Variants in TEAD1 observed in about 807,000 individuals in gnomAD.
TEAD1 encodes transcriptional enhancer factor TEF-1.
TEAD1 carries 9 observed loss-of-function variants against 54.9 expected under a neutral mutation model. The observed-to-expected ratio is 0.16, with a 90% CI of 0.10 to 0.29. TEAD1 has a LOEUF of 0.29. TEAD1 is among the 10% of genes least tolerant of loss of function. TEAD1 has a pLI of 1.00. For synonymous variants in TEAD1, 200 were observed against 187.8 expected (o/e 1.07, Z -0.53); for missense variants, 387 against 535.9 (o/e 0.72, Z 2.74).
chr11:12,903,699 C>G (rs1268945465), intron 10 of TEAD1, among the ~76,000 whole-genome samples: 1 of 152,184 alleles, frequency 6.6e-6, no homozygotes, highest in Non-Finnish European at 1.5e-5. Context: ...GTAGTCTGAG[C>G]TACTCAGGAG....
chr11:12,726,472 G>C (rs1944315572), intron 2 of TEAD1, among the ~76,000 whole-genome samples: 1 of 152,194 alleles, frequency 6.6e-6, no homozygotes, highest in Non-Finnish European at 1.5e-5. Context: ...GCGCTATTCA[G>C]CACTAGGAAG....
chr11:12,781,133 A>G (rs1225459840), intron 3 of TEAD1, among the ~76,000 whole-genome samples: 5 of 152,248 alleles, frequency 3.3e-5, no homozygotes, highest in Admixed American at 1.3e-4. Context: ...ATGCTGAGAC[A>G]TGCGAAGAGT....
intron 3 of TEAD1, among the ~76,000 whole-genome samples, chr11:12,774,524 A>C (rs1945379468): frequency 6.6e-6 from 1 of 152,174 alleles, no homozygotes; most frequent in Admixed American, 6.5e-5. Context: ...TCAGAAGAAA[A>C]TGCCAACATT....
At chr11:12,867,763 G>A (rs1382425392) in intron 5 of TEAD1, among the ~76,000 whole-genome samples, 1 of 152,184 alleles carries the variant, frequency 6.6e-6, no homozygotes, top group African/African-American at 2.4e-5. Flanking sequence ...ACACTAGCTA[G>A]TGAGATAAAC....
intron 12 of TEAD1, among the ~76,000 whole-genome samples, chr11:12,933,250 A>G (rs1590002651): frequency 2.0e-5 from 3 of 152,362 alleles, no homozygotes; most frequent in Admixed American, 2.0e-4. Context: ...AAAATGTGTC[A>G]TTAAGCAACT....
At chr11:12,913,127 G>C (rs188479785) in intron 10 of TEAD1, among the ~76,000 whole-genome samples, 1 of 152,126 alleles carries the variant, frequency 6.6e-6, no homozygotes. Flanking sequence ...TTTGCAAGGC[G>C]TAGTTGGATT....
rs1428215783 is a variant in TEAD1, at chr11:12,941,588, T to G, written c.*4366T>G. 1 of 152,646 alleles carries G rather than the reference T, an allele frequency of 6.6e-6. No individual in the cohort carries two copies. Among genetic ancestry groups the G allele is most frequent in the Non-Finnish European group, 1.5e-5 (1 of 68,040 alleles). 9.5% of individuals were successfully genotyped at this position (152,646 alleles called of 1,614,324 possible). A position where few individuals can be genotyped will look rare whatever the true frequency, so the allele number is the denominator to read the frequency against. On this transcript the variant is annotated 3_prime_UTR_variant, in exon 13 of 13. Transcript: ENST00000527636. ...TTTGTATATGCTCTGGTACACTACC[T>G]GAACTAACGAAGGGTAGAACTAATT...
intron 11 of TEAD1, among the ~76,000 whole-genome samples, chr11:12,926,425 A>G (rs1461808846): frequency 1.3e-5 from 2 of 152,166 alleles, no homozygotes; most frequent in African/African-American, 4.8e-5. Context: ...ATCCTGTAAG[A>G]TGTTTTGAAT....
At chr11:12,912,093 A>T (rs1190986499) in intron 10 of TEAD1, among the ~76,000 whole-genome samples, 1 of 152,114 alleles carries the variant, frequency 6.6e-6, no homozygotes, top group Non-Finnish European at 1.5e-5. Flanking sequence ...AATCATCCGC[A>T]AGCAATTCGT....
intron 2 of TEAD1, among the ~76,000 whole-genome samples, chr11:12,748,557 C>A (rs1944799139): frequency 6.6e-6 from 1 of 152,092 alleles, no homozygotes; most frequent in South Asian, 2.1e-4. Flanking sequence ...TGATGAAAGT[C>A]CTATTTGCAT....
At chr11:12,887,093 G>GTTTTTTTTTTT (rs1254187335) in intron 9 of TEAD1, among the ~76,000 whole-genome samples, 5 of 9,456 alleles carry the variant, frequency 5.3e-4, no homozygotes, top group Non-Finnish European at 1.0e-3. Flanking sequence ...TTTTTTTTTT[G>GTTTTTTTTTTT]TTTGTTTTTT....
intron 10 of TEAD1, chr11:12,922,923 CAAAAAAAAAAAAAA>C (rs71037096): frequency 4.5e-4 from 21 of 46,218 alleles, no homozygotes; most frequent in South Asian, 4.0e-3. Context: ...GACCCTGTCT[CAAAAAAAAAAAAAA>C]AAAAAAAAAA....
intron 2 of TEAD1, among the ~76,000 whole-genome samples, chr11:12,712,881 G>C (rs1943973450): frequency 6.6e-6 from 1 of 152,158 alleles, no homozygotes; most frequent in Admixed American, 6.5e-5. Flanking sequence ...ACTTGGGCCT[G>C]AATTGATAAA....
chr11:12,900,128 A>G (rs1049403917), intron 9 of TEAD1, among the ~76,000 whole-genome samples: 1 of 152,168 alleles, frequency 6.6e-6, no homozygotes, highest in African/African-American at 2.4e-5. Context: ...CAGCATGATC[A>G]TAGCTCCATT....
Position 12,942,460 on chromosome 11 carries a change from G to T in TEAD1, c.*5238G>T, listed in dbSNP as rs576535458. 1 of 152,310 alleles carries T rather than the reference G, an allele frequency of 6.6e-6. No individual in the cohort carries two copies. The highest frequency in any genetic ancestry group is 2.1e-4 in the South Asian group (1 of 4,824). 9.4% of individuals were successfully genotyped at this position (152,310 alleles called of 1,614,324 possible). A position where few individuals can be genotyped will look rare whatever the true frequency, so the allele number is the denominator to read the frequency against. On this transcript the variant is annotated 3_prime_UTR_variant, in exon 13 of 13. Transcript: ENST00000527636. ...CAGCGGAAGGACCCCAGAAACTGTT[G>T]TGTTTGTGTGTGCTGATGACCTAGT...
At chr11:12,888,434 A>C (rs2134108534) in intron 9 of TEAD1, among the ~76,000 whole-genome samples, 1 of 152,266 alleles carries the variant, frequency 6.6e-6, no homozygotes, top group African/African-American at 2.4e-5. Context: ...GCTTGAACCC[A>C]AAAGGCGGAG....
intron 2 of TEAD1, among the ~76,000 whole-genome samples, chr11:12,702,695 C>A (rs1943728278): frequency 6.6e-6 from 1 of 152,074 alleles, no homozygotes; most frequent in South Asian, 2.1e-4. Context: ...CTTCCCATTC[C>A]CTGGAAGCTA....
intron 2 of TEAD1, among the ~76,000 whole-genome samples, chr11:12,732,688 T>A (rs1220063253): frequency 6.6e-6 from 1 of 152,192 alleles, no homozygotes; most frequent in Non-Finnish European, 1.5e-5. Context: ...GAGGAATTCC[T>A]TAGTGGACAG....
Position 12,902,078 on chromosome 11 carries a change from G to C in TEAD1, c.838G>C (p.Gly280Arg). The change falls in exon 10 of 13, where the codon GGC becomes CGC. Residue 280 changes from glycine to arginine, a missense_variant. By Grantham distance (125) the Gly-to-Arg change is moderately radical. Around this residue, in one of 5 missense-constraint regions of TEAD1, gnomAD observed 123 missense variants for 199.0 expected, o/e 0.62. Transcript: ENST00000527636. ...TGGCTTAAAGGAACTGTTTGGAAAG[G>C]GCCCTCAAAATGCCTTCTTCCTCGT... 6.2e-7 allele frequency: 1 copy of C among 1,614,210 alleles called. No individual in the cohort carries two copies. Among genetic ancestry groups the C allele is most frequent in the Non-Finnish European group, 8.5e-7 (1 of 1,180,046 alleles).
Sources: gnomAD v4.1 joint callset for allele counts (sites outside exome capture counted in the v4.1 genomes callset) on GRCh38, gnomAD v4.1.1 for gene constraint, gnomAD v4.1.1 regional missense constraint, MANE v1.5 for transcripts, NCBI Gene and HGNC (gene_info 2026-07-23, HGNC 2026-07-21) for gene names.